Variants in RPH3A observed in about 807,000 individuals in gnomAD.
RPH3A encodes rabphilin-3A.
Under a neutral mutation model 102.2 loss-of-function variants are expected in RPH3A, and 48 were observed. That is an observed-to-expected ratio of 0.47 (90% CI 0.37 to 0.60). The LOEUF (loss-of-function observed/expected upper bound fraction) is 0.60, where lower values mean the gene tolerates loss of function less well. RPH3A is among the 20% of genes least tolerant of loss of function. The probability of loss-of-function intolerance (pLI) is 0.00; values close to 1 mark genes in which losing one functional copy is unlikely to be tolerated. For missense variants in RPH3A, 781 were observed against 910.1 expected (o/e 0.86, Z 1.83); for synonymous variants, 310 against 324.3 (o/e 0.96, Z 0.47).
intron 1 of RPH3A, among the ~76,000 whole-genome samples, chr12:112,696,004 CCT>C (rs1269209537): frequency 1.3e-5 from 2 of 152,134 alleles, no homozygotes; most frequent in African/African-American, 4.8e-5. Flanking sequence ...AAACTTTTCC[CCT>C]GAGTCCCCAA....
intron 1 of RPH3A, among the ~76,000 whole-genome samples, chr12:112,770,030 C>A (rs1565875221): frequency 2.0e-5 from 3 of 152,158 alleles, no homozygotes; most frequent in Admixed American, 6.5e-5. Flanking sequence ...TCACAACTTG[C>A]CTTCTTCACC....
intron 2 of RPH3A, among the ~76,000 whole-genome samples, chr12:112,826,265 G>C (rs1193770800): frequency 6.6e-6 from 1 of 152,198 alleles, no homozygotes; most frequent in Admixed American, 6.5e-5. Context: ...GGGATGTTGA[G>C]GGAGCAGCAG....
intron 2 of RPH3A, among the ~76,000 whole-genome samples, chr12:112,795,264 T>C (rs1430208061): frequency 6.6e-6 from 1 of 152,170 alleles, no homozygotes; most frequent in East Asian, 1.9e-4. Context: ...AGTGGGGAGC[T>C]GATTGTAATT....
At chr12:112,789,387 G>A (rs759438812), upstream of RPH3A, among the ~76,000 whole-genome samples, 22 of 152,174 alleles carry the variant, frequency 1.4e-4, no homozygotes, top group Admixed American at 5.2e-4. Context: ...GAAAATATTC[G>A]ATGAAAATTT....
At chr12:112,681,450 G>A (rs1368860751) in intron 1 of RPH3A, among the ~76,000 whole-genome samples, 1 of 152,044 alleles carries the variant, frequency 6.6e-6, no homozygotes, top group Admixed American at 6.5e-5. Flanking sequence ...CCACTCTTCT[G>A]GACATAAGCC....
chr12:112,774,063 CAAA>C (rs11375355), intron 1 of RPH3A, among the ~76,000 whole-genome samples: 3 of 108,450 alleles, frequency 2.8e-5, no homozygotes, highest in Admixed American at 1.0e-4. Flanking sequence ...CCAGCCTGGG[CAAA>C]AAAAAAAAAA....
intron 1 of RPH3A, among the ~76,000 whole-genome samples, chr12:112,577,231 C>T (rs1214478577): frequency 6.6e-6 from 1 of 152,186 alleles, no homozygotes; most frequent in Non-Finnish European, 1.5e-5. Flanking sequence ...TGCGCAGCTG[C>T]TTATACTTAT....
chr12:112,890,827 A>T (rs1226415719), intron 18 of RPH3A, 22 bp from the exon 19 acceptor site: 1 of 1,610,490 alleles, frequency 6.2e-7, no homozygotes, highest in Non-Finnish European at 8.5e-7. Flanking sequence ...CAAGGCCCAC[A>T]CTGCCTTTTC....
intron 1 of RPH3A, among the ~76,000 whole-genome samples, chr12:112,772,588 T>C (rs116037773): frequency 6.6e-6 from 1 of 152,334 alleles, no homozygotes; most frequent in African/African-American, 2.4e-5. Flanking sequence ...TTAAGTCTTA[T>C]ATCACATGTC....
intron 1 of RPH3A, among the ~76,000 whole-genome samples, chr12:112,686,807 G>A (rs1248559334): frequency 2.0e-5 from 3 of 152,206 alleles, no homozygotes; most frequent in Non-Finnish European, 2.9e-5. Flanking sequence ...GGTATGCCAT[G>A]GCTCTATACA....
At chr12:112,644,952 T>C (rs1187505548) in intron 1 of RPH3A, among the ~76,000 whole-genome samples, 4 of 152,166 alleles carry the variant, frequency 2.6e-5, no homozygotes, top group African/African-American at 9.7e-5. Context: ...TTTGATCACA[T>C]CATTTGAGTG....
chr12:112,632,674 C>T (rs1209861067), intron 1 of RPH3A, among the ~76,000 whole-genome samples: 1 of 152,202 alleles, frequency 6.6e-6, no homozygotes, highest in Non-Finnish European at 1.5e-5. Context: ...TGTGTCCCCT[C>T]TCCTTCAGGG....
intron 1 of RPH3A, among the ~76,000 whole-genome samples, chr12:112,734,803 C>T (rs2040657180): frequency 6.6e-6 from 1 of 152,178 alleles, no homozygotes; most frequent in African/African-American, 2.4e-5. Flanking sequence ...GTGGGAGTGT[C>T]TCTTAGTATG....
intron 1 of RPH3A, among the ~76,000 whole-genome samples, chr12:112,723,197 A>T (rs978878819): frequency 6.6e-6 from 1 of 152,220 alleles, no homozygotes; most frequent in Non-Finnish European, 1.5e-5. Flanking sequence ...AAATGTGTAT[A>T]TAACTTTTGG....
intron 1 of RPH3A, among the ~76,000 whole-genome samples, chr12:112,611,334 G>A (rs2039637626): frequency 6.6e-6 from 1 of 152,176 alleles, no homozygotes; most frequent in African/African-American, 2.4e-5. Context: ...ACGACTGATG[G>A]TGCAGACACC....
At chr12:112,756,403 G>A (rs763623878) in intron 1 of RPH3A, among the ~76,000 whole-genome samples, 1 of 152,132 alleles carries the variant, frequency 6.6e-6, no homozygotes, top group Non-Finnish European at 1.5e-5. Flanking sequence ...GTAGAGACAG[G>A]GTTTCACTTT....
intron 1 of RPH3A, among the ~76,000 whole-genome samples, chr12:112,621,809 T>A (rs963184789): frequency 2.0e-5 from 3 of 151,806 alleles, no homozygotes; most frequent in Admixed American, 1.3e-4. Flanking sequence ...AATGTCCCTG[T>A]CTGACAGCTT....
intron 1 of RPH3A, among the ~76,000 whole-genome samples, chr12:112,667,161 TA>T (rs1372218011): frequency 8.5e-5 from 13 of 152,318 alleles, no homozygotes; most frequent in African/African-American, 2.6e-4. Flanking sequence ...TTCTCTGCTT[TA>T]TCTCTCTTCC....
At chr12:112,603,879 C>T (rs1487723386) in intron 1 of RPH3A, among the ~76,000 whole-genome samples, 1 of 152,096 alleles carries the variant, frequency 6.6e-6, no homozygotes, top group South Asian at 2.1e-4. Context: ...TAACCCAGCC[C>T]CCCAGCATAC....
Sources: allele counts gnomAD v4.1 joint callset (sites outside exome capture counted in the v4.1 genomes callset), GRCh38; gene constraint gnomAD v4.1.1; transcripts MANE v1.5; gene names NCBI Gene and HGNC (gene_info 2026-07-23, HGNC 2026-07-21).